Variants in RBM47 observed in about 807,000 individuals in gnomAD.
RBM47 encodes RNA-binding protein 47.
In RBM47, 21 loss-of-function variants were observed where a neutral mutation model predicts 47.1. The observed-to-expected ratio is 0.45, with a 90% CI of 0.32 to 0.64. The LOEUF is 0.64. Among genes scored for constraint, RBM47 ranks in the 30% least tolerant of loss-of-function variants. RBM47 has a pLI of 0.05. For synonymous variants in RBM47, 375 were observed against 361.7 expected (o/e 1.04, Z -0.42); for missense variants, 708 against 870.9 (o/e 0.81, Z 2.35).
At chr4:40,483,216 T>A (rs902294875) in intron 2 of RBM47, among the ~76,000 whole-genome samples, 1 of 152,230 alleles carries the variant, frequency 6.6e-6, no homozygotes, top group Non-Finnish European at 1.5e-5. Context: ...ATGAGCCTGA[T>A]TTTCCATGAG....
intron 2 of RBM47, among the ~76,000 whole-genome samples, chr4:40,494,440 C>A (rs868016812): frequency 6.6e-6 from 1 of 152,164 alleles, no homozygotes; most frequent in Non-Finnish European, 1.5e-5. Flanking sequence ...GTCCTCAGAG[C>A]AATATCTTGC....
intron 2 of RBM47, among the ~76,000 whole-genome samples, chr4:40,541,630 C>T (rs969277694): frequency 5.3e-5 from 8 of 151,830 alleles, no homozygotes; most frequent in African/African-American, 1.9e-4. Flanking sequence ...CCCAGCTAGT[C>T]GGGAGGCTGA....
intron 1 of RBM47, among the ~76,000 whole-genome samples, chr4:40,616,168 T>C (rs1006275792): frequency 6.6e-5 from 10 of 151,814 alleles, no homozygotes; most frequent in Admixed American, 1.3e-4. Flanking sequence ...CTGGCTAACA[T>C]GGGTGAAACC....
intron 2 of RBM47, among the ~76,000 whole-genome samples, chr4:40,474,106 T>C (rs559247522): frequency 5.9e-5 from 9 of 152,206 alleles, no homozygotes; most frequent in Admixed American, 3.9e-4. Context: ...ATTACGCTGT[T>C]AACTGCCCAG....
At chr4:40,553,218 ACT>A (rs1729741184) in intron 1 of RBM47, among the ~76,000 whole-genome samples, 1 of 146,552 alleles carries the variant, frequency 6.8e-6, no homozygotes, top group Non-Finnish European at 1.5e-5. Context: ...CCAACTGTAT[ACT>A]CTTTCTTCCT....
At chr4:40,458,914 T>C (rs1253690999) in intron 3 of RBM47, among the ~76,000 whole-genome samples, 1 of 152,118 alleles carries the variant, frequency 6.6e-6, no homozygotes, top group East Asian at 1.9e-4. Context: ...GTAAGCACCA[T>C]GAGTTCATTG....
intron 2 of RBM47, among the ~76,000 whole-genome samples, chr4:40,518,172 T>C (rs1725819183): frequency 1.5e-5 from 2 of 129,362 alleles, no homozygotes; most frequent in Admixed American, 7.9e-5. Flanking sequence ...TTTTTTTTTT[T>C]TTTTTTTTTT....
chr4:40,558,505 C>A (rs1187979854), intron 1 of RBM47, among the ~76,000 whole-genome samples: 1 of 145,326 alleles, frequency 6.9e-6, no homozygotes, highest in African/African-American at 2.6e-5. Flanking sequence ...ATGGTGAAAC[C>A]CTGTCTCTAT....
chr4:40,485,002 T>G (rs1720886350), intron 2 of RBM47, among the ~76,000 whole-genome samples: 3 of 150,856 alleles, frequency 2.0e-5, no homozygotes, highest in African/African-American at 7.5e-5. Flanking sequence ...TCTTTTTTTT[T>G]GTTTGTTTTC....
chr4:40,515,702 CCCTG>C (rs1725486879), intron 2 of RBM47, among the ~76,000 whole-genome samples: 1 of 152,162 alleles, frequency 6.6e-6, no homozygotes, highest in Non-Finnish European at 1.5e-5. Flanking sequence ...AACTTAACCT[CCCTG>C]AGCCCGTCTC....
At chr4:40,433,786 C>T (rs1170094802) in intron 5 of RBM47, among the ~76,000 whole-genome samples, 1 of 152,166 alleles carries the variant, frequency 6.6e-6, no homozygotes, top group East Asian at 1.9e-4. Context: ...ATAGCACATT[C>T]CCCAGTTTCC....
intron 1 of RBM47, among the ~76,000 whole-genome samples, chr4:40,557,390 T>C (rs763843630): frequency 2.0e-5 from 3 of 152,214 alleles, no homozygotes; most frequent in Admixed American, 1.3e-4. Context: ...GTACTATATC[T>C]ATATGCTCAT....
intron 1 of RBM47, among the ~76,000 whole-genome samples, chr4:40,561,388 C>T (rs1004585551): frequency 6.6e-6 from 1 of 151,700 alleles, no homozygotes; most frequent in African/African-American, 2.4e-5. Context: ...TGCACCATTA[C>T]GCCTAGCTAA....
intron 1 of RBM47, among the ~76,000 whole-genome samples, chr4:40,600,751 C>CTGAAG (rs1735192535): frequency 6.6e-6 from 1 of 151,718 alleles, no homozygotes; most frequent in East Asian, 1.9e-4. Context: ...CTTTGGGAGG[C>CTGAAG]CAAGGCGGGC....
intron 3 of RBM47, among the ~76,000 whole-genome samples, chr4:40,456,280 C>CTAATATT (rs1363426627): frequency 6.6e-6 from 1 of 151,976 alleles, no homozygotes; most frequent in African/African-American, 2.4e-5. Context: ...AGAGAGAAAC[C>CTAATATT]CGGGCATAAT....
intron 1 of RBM47, among the ~76,000 whole-genome samples, chr4:40,594,988 C>T (rs576063205): frequency 3.3e-5 from 5 of 152,310 alleles, no homozygotes; most frequent in African/African-American, 9.6e-5. Flanking sequence ...ACGCAATAGA[C>T]ATTCCTCTCT....
chr4:40,447,642 G>C (rs1385471293), intron 3 of RBM47, among the ~76,000 whole-genome samples: 1 of 152,220 alleles, frequency 6.6e-6, no homozygotes, highest in Non-Finnish European at 1.5e-5. Flanking sequence ...ACTTTGGAAG[G>C]CTGAGGCGGG....
At chr4:40,532,562 C>T (rs1404100908) in intron 2 of RBM47, among the ~76,000 whole-genome samples, 1 of 152,048 alleles carries the variant, frequency 6.6e-6, no homozygotes, top group Non-Finnish European at 1.5e-5. Flanking sequence ...CCACCCGCCT[C>T]AGCCTCCCAA....
intron 1 of RBM47, among the ~76,000 whole-genome samples, chr4:40,575,557 A>AAAAAAAAAAAC (rs1560480270): frequency 6.7e-6 from 1 of 150,344 alleles, no homozygotes; most frequent in Non-Finnish European, 1.5e-5. Flanking sequence ...CATCTCAAAA[A>AAAAAAAAAAAC]AAAAAAAAAA....
Sources: allele counts gnomAD v4.1 joint callset (sites outside exome capture counted in the v4.1 genomes callset), GRCh38; gene constraint gnomAD v4.1.1; transcripts MANE v1.5; gene names NCBI Gene and HGNC (gene_info 2026-07-23, HGNC 2026-07-21).